NMNAT1: variants seen among roughly 807,000 people sequenced by gnomAD.
The protein encoded by NMNAT1 is nicotinamide nucleotide adenylyltransferase 1, also known as nicotinamide/nicotinic acid mononucleotide adenylyltransferase 1.
NMNAT1 carries 11 observed loss-of-function variants against 16.7 expected under a neutral mutation model. The ratio of observed to expected loss-of-function variants is 0.66; its 90% CI spans 0.41 to 1.09. The LOEUF (loss-of-function observed/expected upper bound fraction) is 1.09. Ranked by LOEUF, NMNAT1 falls within the 50% of genes least tolerant of loss-of-function variation. The pLI is 0.00. For synonymous variants in NMNAT1, 110 were observed against 119.8 expected (o/e 0.92, Z 0.53); for missense variants, 280 against 332.3 (o/e 0.84, Z 1.22).
chr1:9,994,841 T>C, the NMNAT1 span, among the ~76,000 whole-genome samples: 1 of 151,750 alleles, frequency 6.6e-6, no homozygotes, highest in Non-Finnish European at 1.5e-5. Context: ...CTTGATCTCC[T>C]GACCTCGTGA....
At chr1:9,967,103 A>G (rs1197200090) in intron 1 of NMNAT1, among the ~76,000 whole-genome samples, 1 of 152,016 alleles carries the variant, frequency 6.6e-6, no homozygotes, top group Non-Finnish European at 1.5e-5. Flanking sequence ...AGGCATCTAT[A>G]ATCCCAGCTA....
chr1:9,994,913 A>G, the NMNAT1 span, among the ~76,000 whole-genome samples: 2 of 151,532 alleles, frequency 1.3e-5, no homozygotes, highest in East Asian at 2.0e-4. Flanking sequence ...CGCCTGTCCA[A>G]TTTTTTGTAT....
downstream of NMNAT1, among the ~76,000 whole-genome samples, chr1:9,990,115 T>C (rs1236199061): frequency 6.6e-6 from 1 of 152,224 alleles, no homozygotes; most frequent in Non-Finnish European, 1.5e-5. Context: ...GGAAATACCC[T>C]GCTTCAAAAT....
intron 3 of NMNAT1, among the ~76,000 whole-genome samples, chr1:9,977,738 A>C (rs1462202534): frequency 6.6e-6 from 1 of 151,920 alleles, no homozygotes; most frequent in East Asian, 1.9e-4. Flanking sequence ...CATACCTGTA[A>C]TCCCAGCTAC....
intron 2 of NMNAT1, among the ~76,000 whole-genome samples, chr1:9,973,995 G>A (rs1641749714): frequency 6.6e-6 from 1 of 151,744 alleles, no homozygotes; most frequent in South Asian, 2.1e-4. Flanking sequence ...ACAGCACCAT[G>A]CCCGGCCCAT....
intron 3 of NMNAT1, among the ~76,000 whole-genome samples, chr1:9,980,295 A>G (rs532059933): frequency 1.3e-5 from 2 of 151,968 alleles, no homozygotes; most frequent in African/African-American, 4.8e-5. Flanking sequence ...AGACTTAATC[A>G]GATAATCCAT....
Position 9,975,743 on chromosome 1 carries a change from G to C in NMNAT1, c.267G>C (p.Gln89His), listed in dbSNP as rs779393386. The change falls in exon 3 of 5, where the codon CAG becomes CAC. Residue 89 changes from glutamine (Q) to histidine (H), a missense_variant. Coordinates refer to ENST00000377205, the MANE Select transcript of NMNAT1 (RefSeq NM_022787.4). ...AAGTTGATACATGGGAAAGTCTTCA[G>C]AAGGAGTGGAAAGAGACTCTGAAGG... ...WVEVDTWESLQKEWKETLKVL... is the reference protein window; with the variant it reads ...WVEVDTWESLHKEWKETLKVL... 8 of 1,613,940 alleles carry C rather than the reference G, an allele frequency of 5.0e-6. No homozygotes were observed. The South Asian group carries it at 6.6e-5, about 13-fold the overall frequency.
At chr1:9,961,250 C>G (rs1382572317) in intron 1 of NMNAT1, among the ~76,000 whole-genome samples, 1 of 152,258 alleles carries the variant, frequency 6.6e-6, no homozygotes, top group South Asian at 2.1e-4. Flanking sequence ...CCATCCTTCC[C>G]TGAAGTCTGC....
chr1:9,953,601 C>T (rs1641172303), intron 1 of NMNAT1, among the ~76,000 whole-genome samples: 3 of 151,800 alleles, frequency 2.0e-5, no homozygotes, highest in African/African-American at 7.3e-5. Flanking sequence ...CCACCACGCT[C>T]AGCTAATTTT....
At chr1:9,977,289 G>A (rs936291203) in intron 3 of NMNAT1, among the ~76,000 whole-genome samples, 1 of 151,786 alleles carries the variant, frequency 6.6e-6, no homozygotes, top group Non-Finnish European at 1.5e-5. Context: ...GCCTCGCTAT[G>A]TTGCCTATGC....
chr1:9,951,200 G>C (rs1570675539), intron 1 of NMNAT1: 1 of 152,222 alleles, frequency 6.6e-6, no homozygotes, highest in African/African-American at 2.4e-5. Flanking sequence ...CTTTGACAAG[G>C]ATTGGTTACT....
chr1:9,971,939 T>C, intron 1 of NMNAT1, 79 bp from the exon 2 acceptor site: 1 of 648,046 alleles, frequency 1.5e-6, no homozygotes, highest in Admixed American at 2.3e-5. Flanking sequence ...CACTACACTC[T>C]AGCCAGGGTG....
At chr1:9,977,740 C>G (rs1325518931) in intron 3 of NMNAT1, among the ~76,000 whole-genome samples, 2 of 151,962 alleles carry the variant, frequency 1.3e-5, no homozygotes, top group East Asian at 1.9e-4. Flanking sequence ...TACCTGTAAT[C>G]CCAGCTACTA....
intron 1 of NMNAT1, among the ~76,000 whole-genome samples, chr1:9,966,872 A>G (rs1264772216): frequency 5.3e-5 from 8 of 152,160 alleles, no homozygotes; most frequent in Admixed American, 5.2e-4. Flanking sequence ...TTCAACAGCA[A>G]TGTTGAATGC....
chr1:9,992,769 G>C, the NMNAT1 span, among the ~76,000 whole-genome samples: 1 of 152,058 alleles, frequency 6.6e-6, no homozygotes, highest in African/African-American at 2.4e-5. Flanking sequence ...AAAATTAGCT[G>C]GGTGTGGTGG....
chr1:9,989,321 G>A (rs1642082805), downstream of NMNAT1, among the ~76,000 whole-genome samples: 1 of 152,086 alleles, frequency 6.6e-6, no homozygotes, highest in Admixed American at 6.6e-5. Context: ...AGCCAGGCAT[G>A]GTGGCGGGCG....
the NMNAT1 span, among the ~76,000 whole-genome samples, chr1:9,993,965 A>G: frequency 1.3e-5 from 2 of 152,130 alleles, no homozygotes; most frequent in Admixed American, 1.3e-4. Context: ...TCTGCCAACT[A>G]TATGACCTCG....
chr1:9,966,931 A>G (rs1315015080), intron 1 of NMNAT1, among the ~76,000 whole-genome samples: 2 of 152,134 alleles, frequency 1.3e-5, no homozygotes, highest in African/African-American at 4.8e-5. Flanking sequence ...AATAATTTCA[A>G]AAATTATTTG....
intron 1 of NMNAT1, among the ~76,000 whole-genome samples, chr1:9,961,959 G>T (rs770699000): frequency 3.6e-4 from 55 of 151,658 alleles, no homozygotes; most frequent in Non-Finnish European, 7.4e-4. Flanking sequence ...GTAGAGACGG[G>T]GTTTCTCCAT....
Sources: allele counts gnomAD v4.1 joint callset (sites outside exome capture counted in the v4.1 genomes callset), GRCh38; gene constraint gnomAD v4.1.1; transcripts MANE v1.5; gene names NCBI Gene and HGNC (gene_info 2026-07-23, HGNC 2026-07-21).